CYP4F8: variants seen among roughly 807,000 people sequenced by gnomAD.
CYP4F8 encodes cytochrome P450 family 4 subfamily F member 8, also known as cytochrome P450 4F8.
In CYP4F8, 56 loss-of-function variants were observed where a neutral mutation model predicts 55.0. The observed-to-expected ratio is 1.02, with a 90% confidence interval of 0.82 to 1.27. The LOEUF (loss-of-function observed/expected upper bound fraction) is 1.27. CYP4F8 is among the 50% of genes most tolerant of loss of function. The pLI is 0.00. For synonymous variants in CYP4F8, 288 were observed against 267.3 expected, an observed-to-expected ratio of 1.08 and a Z score of -0.76; for missense variants, 680 against 682.4, an observed-to-expected ratio of 1.00 and a Z score of 0.04.
At position 15,619,549 on chromosome 19, in the gene CYP4F8, T is replaced by C. The variant is rs767706612; in HGVS notation, c.397+6T>C. On this transcript the variant is annotated splice_donor_region_variant and intron_variant, in intron 4 of 12. Coordinates refer to ENST00000612078, the MANE Select transcript of CYP4F8 (RefSeq NM_007253.4). ...GACCCTGAAGCCCTGGCTGGGTAAGTAACTGTAGGTGGACGGGACGGGGAC... is the reference window on the plus strand; with the variant it reads ...GACCCTGAAGCCCTGGCTGGGTAAGCAACTGTAGGTGGACGGGACGGGGAC... The C allele has an allele frequency of 6.2e-7, 1 of 1,614,178 alleles. No homozygotes were observed. Among genetic ancestry groups the C allele is most frequent in the Admixed American group, 1.7e-5 (1 of 60,026 alleles).
At chr19:15,616,330 G>C (rs1486022741) in intron 2 of CYP4F8, among the ~76,000 whole-genome samples, 40 of 139,076 alleles carry the variant, frequency 2.9e-4, no homozygotes, top group East Asian at 8.9e-4. Context: ...TCATTCCTCT[G>C]CTTTGCCATG....
intron 3 of CYP4F8, 91 bp from the exon 4 acceptor site, chr19:15,619,399 C>A: frequency 1.4e-6 from 2 of 1,478,134 alleles, no homozygotes; most frequent in Non-Finnish European, 1.9e-6. Context: ...GGAGAAAAGA[C>A]GTCCAAACCT....
intron 5 of CYP4F8, among the ~76,000 whole-genome samples, chr19:15,620,400 T>A (rs577431511): frequency 6.6e-6 from 1 of 152,252 alleles, no homozygotes; most frequent in East Asian, 1.9e-4. Context: ...CTAGTTATTA[T>A]TATTTATTTT....
intron 3 of CYP4F8, 111 bp downstream of exon 3, chr19:15,618,255 G>T: frequency 6.6e-7 from 1 of 1,515,828 alleles, no homozygotes; most frequent in Non-Finnish European, 9.1e-7. Flanking sequence ...CTTCCTTCCT[G>T]CTTCTCTCTC....
At position 15,629,737 on chromosome 19, in the gene CYP4F8, T is replaced by C. The variant is rs1215733603; in HGVS notation, c.*379T>C. On this transcript the variant is annotated 3_prime_UTR_variant, in exon 13 of 13. Transcript: ENST00000612078. ...AAATACAGATCACATTTGAAAGCCT[T>C]TCTTGAAGCTCAATTGGTTAAGTGA... The C allele has an allele frequency of 2.9e-5, 5 of 174,794 alleles. No individual in the cohort carries two copies. In the South Asian group the frequency reaches 4.8e-4, roughly 17 times the overall value. 10.8% of individuals were successfully genotyped at this position (174,794 alleles called of 1,614,324 possible). A position where few individuals can be genotyped will look rare whatever the true frequency, so the allele number is the denominator to read the frequency against.
At chr19:15,621,771 A>G in intron 5 of CYP4F8, 1 of 159,016 alleles carries the variant, frequency 6.3e-6, no homozygotes, top group Non-Finnish European at 1.4e-5. Flanking sequence ...TGTGAAGTAG[A>G]GGATATTTTC....
At chr19:15,621,457 C>T (rs1972192715) in intron 5 of CYP4F8, among the ~76,000 whole-genome samples, 1 of 152,118 alleles carries the variant, frequency 6.6e-6, no homozygotes, top group Admixed American at 6.5e-5. Context: ...ACCCAGCAGG[C>T]AGAGGTTGCA....
rs149183388 is a variant in CYP4F8 at position 15,629,486 on chromosome 19, C to A, written c.*128C>A. On this transcript the variant is annotated 3_prime_UTR_variant, in exon 13 of 13. Coordinates refer to ENST00000612078, the MANE Select transcript of CYP4F8 (RefSeq NM_007253.4). ...TCCCGCGGATGGCCAGTAGGGGGCG[C>A]TGGAGGACTGCGGGGATCTAGGGCC... 3,465 of 1,311,270 alleles carry A rather than the reference C, an allele frequency of 2.6e-3. 13 individuals are homozygous for A. The highest frequency in any genetic ancestry group is 4.4e-3 in the Middle Eastern group (20 of 4,518). 81.2% of individuals were successfully genotyped at this position (1,311,270 alleles called of 1,614,324 possible).
intron 9 of CYP4F8, among the ~76,000 whole-genome samples, chr19:15,624,944 T>G (rs993883564): frequency 1.3e-5 from 2 of 152,090 alleles, no homozygotes; most frequent in Non-Finnish European, 2.9e-5. Context: ...ATTAAGAAAA[T>G]TATTTCTTTT....
chr19:15,628,835 G>A lies in CYP4F8; in HGVS notation c.1389G>A (p.Ala463=), dbSNP rs750040882. The A allele has an allele frequency of 8.1e-6, 13 of 1,601,470 alleles. No homozygotes were observed. Among genetic ancestry groups the A allele is most frequent in the African/African-American group, 5.4e-5 (4 of 74,242 alleles). ...CTATGGCTTTTATTCCTTTCTCGGC[G>A]GGGCCCAGGTGAGGCCAGGGGGTGT... is the stretch of plus-strand genomic sequence containing the variant. The part of the protein sequence containing the change: ...RSPMAFIPFS[A]GPRNCIGQKF... Residue 463 remains alanine, a synonymous_variant, in exon 12 of 13, where the codon GCG becomes GCA. Coordinates refer to ENST00000612078, the MANE Select transcript of CYP4F8 (RefSeq NM_007253.4).
In CYP4F8 at chr19:15,615,835, T is replaced by C. The variant is rs373578925; in HGVS notation, c.198+21T>C. 4 of 1,595,662 alleles carry C rather than the reference T, an allele frequency of 2.5e-6. No homozygotes were observed. In the African/African-American group the frequency reaches 5.4e-5, roughly 21 times the overall value. The stretch of plus-strand genomic sequence containing the variant: ...GCCTGGTGAGTGGCAGGAGGATGGA[T>C]CTAGTGTCTCAGGGTGGAAGGGTGG... On this transcript the variant is annotated intron_variant, in intron 2 of 12. Coordinates refer to ENST00000612078, the MANE Select transcript of CYP4F8 (RefSeq NM_007253.4).
At chr19:15,620,738 GC>G (rs1972182894) in intron 5 of CYP4F8, among the ~76,000 whole-genome samples, 1 of 152,028 alleles carries the variant, frequency 6.6e-6, no homozygotes, top group South Asian at 2.1e-4. Flanking sequence ...CATTCTATTG[GC>G]CAAAAAAAGT....
At position 15,623,182 on chromosome 19, in the gene CYP4F8, A is replaced by G. The variant is rs755544619; in HGVS notation, c.725A>G (p.Tyr242Cys). 19 of 1,614,066 alleles carry G rather than the reference A, an allele frequency of 1.2e-5. No homozygotes were observed. In the East Asian group the frequency reaches 4.2e-4, roughly 36 times the overall value. ...VVKRNNQFFR[Y>C]KDFLYFLTPC... ...AAACGGAATAACCAGTTCTTCCGGT[A>G]CAAGGACTTCCTGTACTTCCTCACT... Residue 242 changes from tyrosine (Y) to cysteine (C), a missense_variant, in exon 7 of 13, where the codon TAC (tyrosine) becomes TGC (cysteine). Coordinates refer to ENST00000612078, the MANE Select transcript of CYP4F8 (RefSeq NM_007253.4).
rs1446711381 is a variant in CYP4F8 at position 15,618,029 on chromosome 19, C to T, written c.228C>T (p.Val76=). The T allele has an allele frequency of 1.2e-6, 2 of 1,613,960 alleles. No homozygotes were observed. Among genetic ancestry groups the T allele is most frequent in the Non-Finnish European group, 8.5e-7 (1 of 1,179,952 alleles). Reference sequence around the variant, plus strand: ...CTCCCACAGAGGAGGGCTTGAGGGTCCTGACCCAGCTGGTGGCCACCTACC... The same window carrying T: ...CTCCCACAGAGGAGGGCTTGAGGGTTCTGACCCAGCTGGTGGCCACCTACC... ...LVTPTEEGLR[V]LTQLVATYPQ... The change falls in exon 3 of 13, where the codon GTC becomes GTT. Residue 76 remains valine, a synonymous_variant. Coordinates refer to ENST00000612078, the MANE Select transcript of CYP4F8 (RefSeq NM_007253.4).
chr19:15,629,185 GC>G lies in CYP4F8; in HGVS notation c.1398-3del. The G allele has an allele frequency of 6.3e-7, 1 of 1,598,532 alleles. No individual in the cohort carries two copies. The highest frequency in any genetic ancestry group is 1.7e-5 in the Admixed American group (1 of 58,398). On this transcript the variant is annotated splice_polypyrimidine_tract_variant and splice_region_variant and intron_variant, in intron 12 of 12. Transcript: ENST00000612078. ...GGGTGCAGTCAGACCTTCCACCTTG[GC>G]CCCCAGGAACTGCATCGGGCAGAAG...
rs375063511 is a variant in CYP4F8, at chr19:15,618,119, C to T, written c.318C>T (p.Ile106=). The change falls in exon 3 of 13, where the codon ATC becomes ATT. Residue 106 remains isoleucine, a synonymous_variant. Coordinates refer to ENST00000612078, the MANE Select transcript of CYP4F8 (RefSeq NM_007253.4). ...TPIINLCHPD[I]VRSVINTSDA... ...TCATCAACTTGTGCCACCCTGACAT[C>T]GTCCGATCTGTCATCAATACCTCAG... 1.4e-5 allele frequency: 23 copies of T among 1,614,006 alleles called. No homozygotes were observed. The highest frequency in any genetic ancestry group is 8.8e-5 in the South Asian group (8 of 91,086).
Position 15,628,841 on chromosome 19 carries a change from C to T in CYP4F8, c.1395C>T (p.Pro465=), listed in dbSNP as rs1218379993. Residue 465 remains proline, a splice_region_variant and synonymous_variant, in exon 12 of 13, where the codon CCC becomes CCT. Coordinates refer to ENST00000612078, the MANE Select transcript of CYP4F8 (RefSeq NM_007253.4). ...PMAFIPFSAG[P]RNCIGQKFAM... is the part of the protein sequence containing the mutation. ...CTTTTATTCCTTTCTCGGCGGGGCC[C>T]AGGTGAGGCCAGGGGGTGTCTGAGG... 6.3e-7 allele frequency: 1 copy of T among 1,594,996 alleles called. No homozygotes were observed. The highest frequency in any genetic ancestry group is 8.5e-7 in the Non-Finnish European group (1 of 1,171,460).
intron 8 of CYP4F8, 41 bp from the exon 9 acceptor site, chr19:15,623,924 G>A: frequency 6.2e-7 from 1 of 1,609,080 alleles, no homozygotes; most frequent in Middle Eastern, 1.7e-4. Flanking sequence ...TCTGGGTGCT[G>A]AAGCAGCCCA....
intron 5 of CYP4F8, 169 bp from the exon 6 acceptor site, chr19:15,622,050 A>G (rs999439353): frequency 1.2e-6 from 1 of 823,808 alleles, no homozygotes; most frequent in Non-Finnish European, 1.8e-6. Flanking sequence ...TTCATCTCCT[A>G]ATAGTAACAG....
Sources: gnomAD v4.1 joint callset for allele counts (sites outside exome capture counted in the v4.1 genomes callset) on GRCh38, gnomAD v4.1.1 for gene constraint, MANE v1.5 for transcripts, NCBI Gene and HGNC (gene_info 2026-07-23, HGNC 2026-07-21) for gene names.